Variants in GALNT18 observed in about 807,000 individuals in gnomAD.
The protein encoded by GALNT18 is polypeptide N-acetylgalactosaminyltransferase 18, also known as GalNAc-transferase 18.
In GALNT18, 44 loss-of-function variants were observed where a neutral mutation model predicts 69.5. That is an observed-to-expected ratio of 0.63 (90% CI 0.50 to 0.81). GALNT18 has a LOEUF of 0.81. Ranked by LOEUF, GALNT18 falls within the 40% of genes least tolerant of loss-of-function variation. The pLI, the probability that GALNT18 is intolerant of heterozygous loss-of-function variation, is 0.00. For missense variants in GALNT18, 715 were observed against 810.0 expected (o/e 0.88, Z 1.42); for synonymous variants, 364 against 318.2 (o/e 1.14, Z -1.53).
intron 1 of GALNT18, among the ~76,000 whole-genome samples, chr11:11,559,811 G>A (rs1858428076): frequency 7.7e-6 from 1 of 129,854 alleles, no homozygotes; most frequent in East Asian, 2.2e-4. Context: ...AATGAGATAT[G>A]ATCAGGTGGA....
intron 6 of GALNT18, among the ~76,000 whole-genome samples, chr11:11,353,519 A>G (rs1382041969): frequency 1.3e-5 from 2 of 152,150 alleles, no homozygotes; most frequent in Non-Finnish European, 2.9e-5. Context: ...TGTTTAATTT[A>G]TACTTTCCTA....
rs190879041 is a variant in GALNT18, at chr11:11,601,397, T to C, written c.235+19962A>G. 1.4e-4 allele frequency among the ~76,000 whole-genome samples: 22 copies of C among 152,346 alleles called. 1 individual carries two copies. The highest frequency in any genetic ancestry group is 6.5e-4 in the Admixed American group (10 of 15,304). On this transcript the variant is annotated intron_variant, in intron 1 of 10. Transcript: ENST00000227756. The surrounding 1 kb of genome is among the most constrained non-coding windows in gnomAD (Gnocchi z 4.0). ...TGAAACCTTAGGCATGTGCACAGTG[T>C]CCTGATTCTCCCTATCGAACCCCCT...
chr11:11,518,970 G>T (rs1857339010), intron 1 of GALNT18, among the ~76,000 whole-genome samples: 1 of 152,208 alleles, frequency 6.6e-6, no homozygotes, highest in Admixed American at 6.5e-5. Flanking sequence ...GCAGCTAAAA[G>T]ATCATGCCAG....
chr11:11,551,818 C>T (rs1165483169), intron 1 of GALNT18, among the ~76,000 whole-genome samples: 2 of 152,138 alleles, frequency 1.3e-5, no homozygotes, highest in Non-Finnish European at 2.9e-5. Context: ...ATCATTAGTT[C>T]TTATAGGTTT....
chr11:11,462,733 A>G (rs1856073402), intron 1 of GALNT18, among the ~76,000 whole-genome samples: 1 of 152,204 alleles, frequency 6.6e-6, no homozygotes, highest in South Asian at 2.1e-4. Context: ...GCTTTCACTC[A>G]GAAGCAGAAT....
intron 1 of GALNT18, among the ~76,000 whole-genome samples, chr11:11,529,439 G>T (rs144598512): frequency 3.3e-5 from 5 of 152,108 alleles, no homozygotes; most frequent in Non-Finnish European, 7.4e-5. Flanking sequence ...ATGAACATTT[G>T]TTCTTCTTGG....
chr11:11,550,622 A>T (rs1858165848), intron 1 of GALNT18, among the ~76,000 whole-genome samples: 1 of 152,230 alleles, frequency 6.6e-6, no homozygotes, highest in Non-Finnish European at 1.5e-5. Flanking sequence ...TCATTGACAC[A>T]GACAGGTAAG....
rs1264366812 is a variant in GALNT18 at position 11,432,003 on chromosome 11, T to C, written c.595+618A>G. 2.0e-5 allele frequency among the ~76,000 whole-genome samples: 3 copies of C among 152,210 alleles called. No individual in the cohort carries two copies. Among genetic ancestry groups the C allele is most frequent in the Non-Finnish European group, 4.4e-5 (3 of 68,040 alleles). Reference sequence around the variant, plus strand: ...AGGGAAAAGGGGTGGCTGGTAGTGCTGGAGAAAGAGAGTTAGTGATTTGAT... The same window carrying C: ...AGGGAAAAGGGGTGGCTGGTAGTGCCGGAGAAAGAGAGTTAGTGATTTGAT... On this transcript the variant is annotated intron_variant, in intron 3 of 10. Coordinates refer to ENST00000227756, the MANE Select transcript of GALNT18 (RefSeq NM_198516.3). The surrounding 1 kb of genome is among the most constrained non-coding windows in gnomAD (Gnocchi z 5.8).
intron 1 of GALNT18, among the ~76,000 whole-genome samples, chr11:11,490,752 C>T (rs1330605826): frequency 6.6e-6 from 1 of 152,176 alleles, no homozygotes; most frequent in Non-Finnish European, 1.5e-5. Context: ...TCTGTCCTGG[C>T]AGATGTAACC....
chr11:11,428,083 G>T (rs72858991), intron 3 of GALNT18, among the ~76,000 whole-genome samples: 1 of 152,342 alleles, frequency 6.6e-6, no homozygotes, highest in Non-Finnish European at 1.5e-5. Flanking sequence ...AGCCCAGGCT[G>T]GTACTACAGA....
At chr11:11,286,913 G>C (rs897631726) in intron 10 of GALNT18, among the ~76,000 whole-genome samples, 2 of 152,108 alleles carry the variant, frequency 1.3e-5, no homozygotes, top group Non-Finnish European at 2.9e-5. Context: ...CTAACTTCGG[G>C]AGCTTAGAAT....
chr11:11,383,135 G>A lies in GALNT18; in HGVS notation c.596-3871C>T, dbSNP rs955416212. The stretch of plus-strand genomic sequence containing the variant: ...CACCACTCACTCCTGGGAGGTCACA[G>A]GCCACTCTCCACATCCCCACGGGGA... On this transcript the variant is annotated intron_variant, in intron 3 of 10. Transcript: ENST00000227756. This position sits in a 1 kb window ranked among gnomAD's most constrained non-coding sequence, Gnocchi z 5.2. Among the ~76,000 whole-genome samples, 2 of 152,176 alleles carry A rather than the reference G, an allele frequency of 1.3e-5. No homozygotes were observed. Among genetic ancestry groups the A allele is most frequent in the Non-Finnish European group, 2.9e-5 (2 of 68,022 alleles).
chr11:11,283,137 G>A (rs1849118991), intron 10 of GALNT18, among the ~76,000 whole-genome samples: 1 of 152,102 alleles, frequency 6.6e-6, no homozygotes, highest in South Asian at 2.1e-4. Context: ...GGGCCTTGTG[G>A]CCACTGAACA....
chr11:11,340,818 C>A lies in GALNT18; in HGVS notation c.1278+1G>T. 2 of 1,603,756 alleles carry A rather than the reference C, an allele frequency of 1.2e-6. No individual in the cohort carries two copies. Among genetic ancestry groups the A allele is most frequent in the African/African-American group, 1.3e-5 (1 of 74,640 alleles). Reference sequence around the variant, plus strand: ...AACTCATCCCTACCGGAGATCCCTACCTCCTGCGGTATGTTCCATGCCATG... The same window carrying A: ...AACTCATCCCTACCGGAGATCCCTAACTCCTGCGGTATGTTCCATGCCATG... On this transcript the variant is annotated splice_donor_variant, in intron 7 of 10. Transcript: ENST00000227756. LOFTEE classifies it high-confidence loss of function. The surrounding 1 kb of genome is among the most constrained non-coding windows in gnomAD (Gnocchi z 4.2).
chr11:11,528,752 A>C (rs1857575362), intron 1 of GALNT18, among the ~76,000 whole-genome samples: 1 of 152,218 alleles, frequency 6.6e-6, no homozygotes, highest in Admixed American at 6.5e-5. Context: ...GAAAAGTGAT[A>C]GATTTGAGAA....
chr11:11,422,991 C>T (rs970217572), intron 3 of GALNT18, among the ~76,000 whole-genome samples: 3 of 152,172 alleles, frequency 2.0e-5, no homozygotes, highest in Admixed American at 1.3e-4. Flanking sequence ...ACTGAAACAC[C>T]ACTGTTCACA....
rs1311308650 is a variant in GALNT18 at position 11,332,420 on chromosome 11, ATG to A, written c.1416+272_1416+273del. On this transcript the variant is annotated intron_variant, in intron 8 of 10. Coordinates refer to ENST00000227756, the MANE Select transcript of GALNT18 (RefSeq NM_198516.3). The surrounding 1 kb of genome is among the most constrained non-coding windows in gnomAD (Gnocchi z 4.3). ...TTAATCTTAAGCTAACTGCTTTATT[ATG>A]TGTTTTATTAAGCGGAATATGCAGG... Among the ~76,000 whole-genome samples the A allele has an allele frequency of 6.6e-6, 1 of 152,114 alleles. No homozygotes were observed. Among genetic ancestry groups the A allele is most frequent in the African/African-American group, 2.4e-5 (1 of 41,398 alleles).
At chr11:11,452,508 C>T (rs1855825224) in intron 1 of GALNT18, among the ~76,000 whole-genome samples, 2 of 152,224 alleles carry the variant, frequency 1.3e-5, no homozygotes, top group Non-Finnish European at 2.9e-5. Flanking sequence ...CCAAGGTCCC[C>T]AGCTCTAGAA....
chr11:11,464,882 G>C (rs1856122108), intron 1 of GALNT18, among the ~76,000 whole-genome samples: 1 of 152,170 alleles, frequency 6.6e-6, no homozygotes, highest in Admixed American at 6.5e-5. Flanking sequence ...TGTGAGGACT[G>C]AATAAGTTAA....
Sources: allele counts gnomAD v4.1 joint callset (sites outside exome capture counted in the v4.1 genomes callset), GRCh38; gene constraint gnomAD v4.1.1; non-coding constraint Gnocchi (gnomAD v3.1); transcripts MANE v1.5; gene names NCBI Gene and HGNC (gene_info 2026-07-23, HGNC 2026-07-21).